TFR2: variants seen among roughly 807,000 people sequenced by gnomAD.
TFR2 encodes transferrin receptor protein 2.
A neutral mutation model predicts 91.9 loss-of-function variants in TFR2; 64 were observed. That is an observed-to-expected ratio of 0.70 (90% CI 0.57 to 0.86). The LOEUF is 0.86. Among genes scored for constraint, TFR2 ranks in the 40% least tolerant of loss-of-function variants. The probability of loss-of-function intolerance (pLI) is 0.00; values close to 1 mark genes in which losing one functional copy is unlikely to be tolerated. For missense variants in TFR2, 950 were observed against 1,080.5 expected, an observed-to-expected ratio of 0.88 and a Z score of 1.69; for synonymous variants, 454 against 459.6, an observed-to-expected ratio of 0.99 and a Z score of 0.15.
At chr7:100,641,401 G>A in intron 1 of TFR2, 76 bp downstream of exon 1, 1 of 1,588,386 alleles carries the variant, frequency 6.3e-7, no homozygotes, top group Non-Finnish European at 8.6e-7. Flanking sequence ...GGAGGGGCCA[G>A]CCTCAGGGGC....
intron 8 of TFR2, 139 bp from the exon 9 acceptor site, chr7:100,631,191 G>A (rs1321925018): frequency 1.0e-6 from 1 of 985,862 alleles, no homozygotes. Flanking sequence ...GTAGGGCAGT[G>A]CAGTCAGGGC....
chr7:100,621,824 C>T (rs1205837002), intron 17 of TFR2, among the ~76,000 whole-genome samples: 1 of 152,158 alleles, frequency 6.6e-6, no homozygotes, highest in Non-Finnish European at 1.5e-5. Flanking sequence ...CTGAGACGGC[C>T]TTGCTCCTGA....
intron 17 of TFR2, among the ~76,000 whole-genome samples, chr7:100,624,903 T>G (rs1406775089): frequency 6.6e-6 from 1 of 151,538 alleles, no homozygotes; most frequent in Non-Finnish European, 1.5e-5. Context: ...AAGCGGCAGT[T>G]TGAATTTGGC....
chr7:100,641,543 C>G lies in TFR2; in HGVS notation c.-34G>C. The G allele has an allele frequency of 3.1e-6, 5 of 1,612,784 alleles. No homozygotes were observed. The highest frequency in any genetic ancestry group is 4.2e-6 in the Non-Finnish European group (5 of 1,179,414). On this transcript the variant is annotated 5_prime_UTR_variant, in exon 1 of 18. Coordinates refer to ENST00000223051, the MANE Select transcript of TFR2 (RefSeq NM_003227.4). ...CCCCTCCTGAAGCCTGCAGGCTGTC[C>G]CCCAGCGATAAACCGATAAACCGTT...
Position 100,641,135 on chromosome 7 carries a change from C to A in TFR2, c.127G>T (p.Glu43Ter). 1 of 1,557,936 alleles carries A rather than the reference C, an allele frequency of 6.4e-7. No homozygotes were observed. The highest frequency in any genetic ancestry group is 8.7e-7 in the Non-Finnish European group (1 of 1,151,698). Residue 43 changes from glutamate to a stop codon, truncating the protein, a stop_gained, in exon 2 of 18, where the codon GAG (glutamate) becomes TAG (stop). Transcript: ENST00000223051. LOFTEE classifies it high-confidence loss of function. The part of the protein sequence containing the change: ...HLEEEEEDGE[E>*]GAETLAHFCP... ...AAGTGGGCCAATGTCTCCGCCCCCTCCTCCCCGTCTTCCTCTTCCTCCTCC... is the reference window on the plus strand; with the variant it reads ...AAGTGGGCCAATGTCTCCGCCCCCTACTCCCCGTCTTCCTCTTCCTCCTCC...
At chr7:100,632,343 C>A (rs2131319009) in intron 6 of TFR2, 145 bp from the exon 7 acceptor site, 1 of 782,570 alleles carries the variant, frequency 1.3e-6, no homozygotes, top group South Asian at 1.4e-5. Context: ...CTGTGTCTTC[C>A]CAACCTCAGC....
intron 3 of TFR2, among the ~76,000 whole-genome samples, chr7:100,634,969 C>T (rs1370355120): frequency 4.6e-5 from 7 of 151,312 alleles, no homozygotes; most frequent in Admixed American, 4.0e-4. Context: ...GACGGAGTCT[C>T]GCTCTGTCGC....
intron 3 of TFR2, among the ~76,000 whole-genome samples, chr7:100,635,195 C>T (rs1251910287): frequency 2.0e-5 from 3 of 151,960 alleles, no homozygotes; most frequent in Non-Finnish European, 2.9e-5. Flanking sequence ...CCACCTTCAC[C>T]TCCCAAAATG....
In TFR2 at chr7:100,620,617, A is replaced by T. The variant is rs2131303604; in HGVS notation, c.*240T>A. The T allele has an allele frequency of 1.9e-6, 1 of 529,284 alleles. No homozygotes were observed. The highest frequency in any genetic ancestry group is 3.3e-5 in the East Asian group (1 of 30,122). 32.8% of individuals were successfully genotyped at this position (529,284 alleles called of 1,614,324 possible). On this transcript the variant is annotated 3_prime_UTR_variant, in exon 18 of 18. Coordinates refer to ENST00000223051, the MANE Select transcript of TFR2 (RefSeq NM_003227.4). ...AGGGGAAGGGGCTGTGATTGAAGGG[A>T]TGCTACTCTCTGATTAACCGACAGT...
In TFR2 at chr7:100,636,231, A is replaced by G. The variant is rs1173625715; in HGVS notation, c.474-2675T>C. On this transcript the variant is annotated intron_variant, in intron 3 of 17. Coordinates refer to ENST00000223051, the MANE Select transcript of TFR2 (RefSeq NM_003227.4). ...TGCTCTGTTTCACAGGCTGGAGTGC[A>G]TTGGTGCGATCTCAGCTCACTGCAA... 1.6e-5 allele frequency among the ~76,000 whole-genome samples: 2 copies of G among 125,374 alleles called. 1 individual carries two copies. The highest frequency in any genetic ancestry group is 5.0e-4 in the South Asian group (2 of 4,036). The allele number at this position is 125,374 out of a possible 152,430, so 82.3% of individuals were successfully genotyped here.
In TFR2 at chr7:100,627,626, G is replaced by T; in HGVS notation, c.1718C>A (p.Ser573Tyr). ...RPLPMDSSAY[S>Y]FTAFVGVPAV... ...AGGGACTCCCACAAAGGCCGTGAAG[G>T]AATAGGCACTGCTGTCCATGGGTAG... Residue 573 changes from serine to tyrosine, a missense_variant, in exon 15 of 18, where the codon TCC (serine) becomes TAC (tyrosine). Ser to Tyr is a moderately radical substitution (Grantham distance 144). Coordinates refer to ENST00000223051, the MANE Select transcript of TFR2 (RefSeq NM_003227.4). The T allele has an allele frequency of 6.2e-7, 1 of 1,614,162 alleles. No individual in the cohort carries two copies. The highest frequency in any genetic ancestry group is 8.5e-7 in the Non-Finnish European group (1 of 1,180,016).
At chr7:100,632,280 C>T in intron 6 of TFR2, 82 bp from the exon 7 acceptor site, 6 of 1,276,538 alleles carry the variant, frequency 4.7e-6, no homozygotes, top group Non-Finnish European at 6.8e-6. Flanking sequence ...AATGGCAAGG[C>T]CTTTGCTTGC....
In TFR2 at chr7:100,623,904, A is replaced by AT. The variant is rs1267393826; in HGVS notation, c.2137-2779_2137-2778insA. Among the ~76,000 whole-genome samples, 5 of 150,688 alleles carry AT rather than the reference A, an allele frequency of 3.3e-5. No individual in the cohort carries two copies. In the East Asian group the frequency reaches 9.8e-4, roughly 29 times the overall value. On this transcript the variant is annotated intron_variant, in intron 17 of 17. Transcript: ENST00000223051. ...TTCTCTACCAAAAAAAAAAAAAAAAAAAAAAATTAGGCATGGTTGTGCGCG... is the reference window on the plus strand; with the variant it reads ...TTCTCTACCAAAAAAAAAAAAAAAAATAAAAAATTAGGCATGGTTGTGCGCG...
Position 100,641,041 on chromosome 7 carries a change from C to T in TFR2, c.221G>A (p.Trp74Ter), listed in dbSNP as rs1803688679. The T allele has an allele frequency of 1.2e-6, 2 of 1,601,946 alleles. No individual in the cohort carries two copies. Among genetic ancestry groups the T allele is most frequent in the African/African-American group, 1.3e-5 (1 of 74,520 alleles). ...GGCAGCCCTCCGTCCTGCTGCCGCC[C>T]AGGGAATGAGGTTTGGCTGCCTGGG... ...SRPRQPNLIP[W>*]AAAGRRAAPY... Residue 74 changes from tryptophan to a stop codon, truncating the protein, a stop_gained, in exon 2 of 18, where the codon TGG becomes TAG. Coordinates refer to ENST00000223051, the MANE Select transcript of TFR2 (RefSeq NM_003227.4). LOFTEE classifies it high-confidence loss of function.
At chr7:100,630,589 C>T (rs1803405765) in intron 9 of TFR2, among the ~76,000 whole-genome samples, 1 of 152,220 alleles carries the variant, frequency 6.6e-6, no homozygotes, top group Non-Finnish European at 1.5e-5. Context: ...CACACCCGGC[C>T]CATGCTTGAG....
chr7:100,634,879 C>G (rs1168984977), intron 3 of TFR2, among the ~76,000 whole-genome samples: 1 of 152,190 alleles, frequency 6.6e-6, no homozygotes, highest in Non-Finnish European at 1.5e-5. Flanking sequence ...GAACTGCAAT[C>G]TAAATCAGGA....
chr7:100,637,350 G>A (rs1803593758), intron 3 of TFR2, among the ~76,000 whole-genome samples: 1 of 151,722 alleles, frequency 6.6e-6, no homozygotes, highest in Non-Finnish European at 1.5e-5. Context: ...AGTGAGCCAA[G>A]ATCGTGCCAT....
chr7:100,632,018 A>G (rs1414266622), intron 7 of TFR2, 64 bp downstream of exon 7: 4 of 1,614,126 alleles, frequency 2.5e-6, no homozygotes, highest in East Asian at 2.2e-5. Context: ...TGCCAGCCCT[A>G]TTCTGAGCAA....
rs41302354 is a variant in TFR2 at position 100,641,548 on chromosome 7, G to A, written c.-39C>T. ...CCTGAAGCCTGCAGGCTGTCCCCCAGCGATAAACCGATAAACCGTTTGTGG... is the reference window on the plus strand; with the variant it reads ...CCTGAAGCCTGCAGGCTGTCCCCCAACGATAAACCGATAAACCGTTTGTGG... On this transcript the variant is annotated 5_prime_UTR_variant, in exon 1 of 18. Coordinates refer to ENST00000223051, the MANE Select transcript of TFR2 (RefSeq NM_003227.4). 2,316 of 1,611,946 alleles carry A rather than the reference G, an allele frequency of 1.4e-3. 46 individuals are homozygous for A. In the African/African-American group the frequency reaches 0.026, roughly 18 times the overall value.
Sources: allele counts gnomAD v4.1 joint callset (sites outside exome capture counted in the v4.1 genomes callset), GRCh38; gene constraint gnomAD v4.1.1; transcripts MANE v1.5; gene names NCBI Gene and HGNC (gene_info 2026-07-23, HGNC 2026-07-21).